ADAM10: variants seen among roughly 807,000 people sequenced by gnomAD.
The protein encoded by ADAM10 is ADAM metallopeptidase domain 10, also known as disintegrin and metalloproteinase domain-containing protein 10.
ADAM10 carries 17 observed loss-of-function variants against 90.1 expected under a neutral mutation model. The ratio of observed to expected loss-of-function variants is 0.19; its 90% CI spans 0.13 to 0.28. ADAM10 has a LOEUF of 0.28. Ranked by LOEUF, ADAM10 falls within the 10% of genes least tolerant of loss-of-function variation. The pLI, the probability that ADAM10 is intolerant of heterozygous loss-of-function variation, is 1.00. For missense variants in ADAM10, 610 were observed against 914.3 expected, an observed-to-expected ratio of 0.67 and a Z score of 4.29; for synonymous variants, 310 against 298.6, an observed-to-expected ratio of 1.04 and a Z score of -0.40.
intron 6 of ADAM10, 57 bp downstream of exon 6, chr15:58,645,998 G>T (rs192176627): frequency 3.8e-6 from 6 of 1,580,742 alleles, no homozygotes. Flanking sequence ...TTAAAGGAAA[G>T]AATAGGCATT....
At chr15:58,713,688 T>G (rs916233223) in intron 2 of ADAM10, among the ~76,000 whole-genome samples, 2 of 152,238 alleles carry the variant, frequency 1.3e-5, no homozygotes, top group Admixed American at 6.5e-5. Flanking sequence ...CAAAACAGTT[T>G]AATCTTCTAG....
rs572562983 is a variant in ADAM10 at position 58,699,461 on chromosome 15, G to A, written c.207-17147C>T. Among the ~76,000 whole-genome samples the A allele has an allele frequency of 3.9e-5, 6 of 152,064 alleles. No individual in the cohort carries two copies. In the South Asian group the frequency reaches 1.2e-3, roughly 32 times the overall value. ...GATAAACAATAAGAGAAAAAGAAAG[G>A]AACAAAGAATATACAGGCTGGGCAC... is the stretch of plus-strand genomic sequence containing the variant. On this transcript the variant is annotated intron_variant, in intron 2 of 15. Coordinates refer to ENST00000260408, the MANE Select transcript of ADAM10 (RefSeq NM_001110.4).
intron 2 of ADAM10, among the ~76,000 whole-genome samples, chr15:58,702,354 C>A (rs978234163): frequency 4.6e-5 from 7 of 151,960 alleles, no homozygotes; most frequent in Admixed American, 1.3e-4. Flanking sequence ...TACAAACATA[C>A]AATTAGATCG....
chr15:58,643,287 A>G (rs533920647), intron 7 of ADAM10, among the ~76,000 whole-genome samples: 1 of 152,246 alleles, frequency 6.6e-6, no homozygotes, highest in South Asian at 2.1e-4. Context: ...AGTATTTTGG[A>G]ATCTGTTGAT....
At chr15:58,603,611 T>C (rs1243237300) in intron 14 of ADAM10, among the ~76,000 whole-genome samples, 7 of 152,096 alleles carry the variant, frequency 4.6e-5, no homozygotes, top group African/African-American at 1.7e-4. Context: ...TGGCCATCAG[T>C]GTTATGGCTA....
chr15:58,602,280 G>T (rs1207562701), intron 14 of ADAM10, among the ~76,000 whole-genome samples: 2 of 152,084 alleles, frequency 1.3e-5, no homozygotes, highest in African/African-American at 2.4e-5. Context: ...CCCCAGCCTT[G>T]GAACCTGCCA....
At position 58,594,240 on chromosome 15, in the gene ADAM10, T is replaced by C. The variant is rs1445568581; in HGVS notation, c.*3307A>G. On this transcript the variant is annotated 3_prime_UTR_variant, in exon 16 of 16. Transcript: ENST00000260408. ...ATATCTCTTCTTGTACTCCTCCAGGTGAACTGTCCAGGTTTGTAATGCTTG... is the reference window on the plus strand; with the variant it reads ...ATATCTCTTCTTGTACTCCTCCAGGCGAACTGTCCAGGTTTGTAATGCTTG... 1 of 152,214 alleles carries C rather than the reference T, an allele frequency of 6.6e-6. No homozygotes were observed. The highest frequency in any genetic ancestry group is 1.5e-5 in the Non-Finnish European group (1 of 68,036). 9.4% of individuals were successfully genotyped at this position (152,214 alleles called of 1,614,324 possible). A position where few individuals can be genotyped will look rare whatever the true frequency, so the allele number is the denominator to read the frequency against.
intron 4 of ADAM10, among the ~76,000 whole-genome samples, chr15:58,674,242 T>G (rs1897264001): frequency 6.6e-6 from 1 of 152,202 alleles, no homozygotes; most frequent in Admixed American, 6.5e-5. Flanking sequence ...TACCACTAAA[T>G]TTTTATATTT....
chr15:58,712,813 G>A (rs143185406), intron 2 of ADAM10, among the ~76,000 whole-genome samples: 99 of 152,104 alleles, frequency 6.5e-4, no homozygotes, highest in African/African-American at 2.2e-3. Flanking sequence ...GTGACACAGC[G>A]AGACTCCGCC....
intron 5 of ADAM10, among the ~76,000 whole-genome samples, chr15:58,647,883 C>T (rs1228726064): frequency 6.6e-6 from 1 of 152,120 alleles, no homozygotes; most frequent in East Asian, 1.9e-4. Flanking sequence ...AGAATTACCA[C>T]TGCTATTGAA....
chr15:58,682,896 A>T (rs747915753), intron 2 of ADAM10, among the ~76,000 whole-genome samples: 13 of 152,182 alleles, frequency 8.5e-5, no homozygotes, highest in Non-Finnish European at 1.8e-4. Flanking sequence ...GGCTGAAATC[A>T]GAGGAATTTT....
At chr15:58,641,288 G>A (rs1896410522) in intron 7 of ADAM10, among the ~76,000 whole-genome samples, 1 of 152,194 alleles carries the variant, frequency 6.6e-6, no homozygotes, top group East Asian at 1.9e-4. Context: ...AGTAAAGGAA[G>A]TATAGTTTTT....
intron 2 of ADAM10, among the ~76,000 whole-genome samples, chr15:58,707,020 A>G (rs528265166): frequency 8.7e-5 from 13 of 150,086 alleles, no homozygotes; most frequent in East Asian, 2.0e-4. Context: ...AAAAAAAAAA[A>G]AAAAGAAAAG....
At chr15:58,634,529 C>T (rs1896197405) in intron 8 of ADAM10, among the ~76,000 whole-genome samples, 1 of 152,062 alleles carries the variant, frequency 6.6e-6, no homozygotes, top group South Asian at 2.1e-4. Flanking sequence ...AATGACAGTG[C>T]TTTCACAGCT....
intron 10 of ADAM10, among the ~76,000 whole-genome samples, chr15:58,624,719 G>A (rs1051887623): frequency 1.7e-4 from 26 of 152,112 alleles, no homozygotes; most frequent in African/African-American, 6.0e-4. Context: ...TTTTTGTAGA[G>A]ACAGGGTTTC....
intron 12 of ADAM10, chr15:58,611,581 A>G (rs890365110): frequency 1.5e-5 from 8 of 518,428 alleles, no homozygotes; most frequent in Admixed American, 1.4e-4. Context: ...GCCGAGTTGT[A>G]CAACTATGTT....
intron 5 of ADAM10, among the ~76,000 whole-genome samples, chr15:58,664,199 T>C (rs1897028334): frequency 6.6e-6 from 1 of 152,112 alleles, no homozygotes; most frequent in Non-Finnish European, 1.5e-5. Context: ...TGCCTTCAAA[T>C]ACTTATAAGG....
intron 14 of ADAM10, among the ~76,000 whole-genome samples, chr15:58,606,093 C>T (rs902408936): frequency 5.3e-5 from 8 of 152,148 alleles, no homozygotes; most frequent in African/African-American, 1.2e-4. Flanking sequence ...TGTTCAACAA[C>T]GCTCACTCTC....
intron 10 of ADAM10, among the ~76,000 whole-genome samples, chr15:58,626,317 T>A (rs1269402426): frequency 6.6e-6 from 1 of 152,178 alleles, no homozygotes; most frequent in Non-Finnish European, 1.5e-5. Context: ...AATCTATTAA[T>A]TATCTCAATA....
Sources: gnomAD v4.1 joint callset for allele counts (sites outside exome capture counted in the v4.1 genomes callset) on GRCh38, gnomAD v4.1.1 for gene constraint, MANE v1.5 for transcripts, NCBI Gene and HGNC (gene_info 2026-07-23, HGNC 2026-07-21) for gene names.